The following SHC3 variants were observed in gnomAD, a reference collection of about 807,000 sequenced individuals.
The protein encoded by SHC3 is SHC-transforming protein 3.
SHC3 carries 15 observed loss-of-function variants against 60.4 expected under a neutral mutation model. The ratio of observed to expected loss-of-function variants is 0.25; its 90% CI spans 0.17 to 0.38. The LOEUF is 0.38. Among genes scored for constraint, SHC3 ranks in the 10% least tolerant of loss-of-function variants. The probability of loss-of-function intolerance (pLI) is 1.00; values close to 1 mark genes in which losing one functional copy is unlikely to be tolerated. For missense variants in SHC3, 677 were observed against 786.1 expected (o/e 0.86, Z 1.66); for synonymous variants, 294 against 325.9 (o/e 0.90, Z 1.05).
intron 11 of SHC3, among the ~76,000 whole-genome samples, chr9:89,033,603 A>G (rs1209542946): frequency 6.6e-6 from 1 of 152,226 alleles, no homozygotes; most frequent in Non-Finnish European, 1.5e-5. Flanking sequence ...TTGTTCATCA[A>G]ATGCTTGTTG....
At chr9:89,124,866 T>A (rs560071122) in intron 1 of SHC3, among the ~76,000 whole-genome samples, 31 of 150,322 alleles carry the variant, frequency 2.1e-4, no homozygotes, top group African/African-American at 6.6e-4. Context: ...AAAAAAAAAA[T>A]AAGAAATCTG....
intron 2 of SHC3, among the ~76,000 whole-genome samples, chr9:89,083,756 G>T (rs533990923): frequency 6.6e-6 from 1 of 152,182 alleles, no homozygotes. Flanking sequence ...TCTTGGGGAC[G>T]GCCTCTCTCT....
At chr9:89,051,471 G>A (rs987949545) in intron 7 of SHC3, among the ~76,000 whole-genome samples, 2 of 152,116 alleles carry the variant, frequency 1.3e-5, no homozygotes, top group Middle Eastern at 3.2e-3. Context: ...AACCTAAGGT[G>A]CCATTCTTAT....
intron 7 of SHC3, among the ~76,000 whole-genome samples, chr9:89,047,539 C>T (rs576231706): frequency 2.6e-5 from 4 of 152,116 alleles, no homozygotes; most frequent in Admixed American, 6.5e-5. Flanking sequence ...AGTACTCGTA[C>T]GACTCAACAA....
intron 5 of SHC3, among the ~76,000 whole-genome samples, chr9:89,066,503 C>G (rs970495035): frequency 9.2e-5 from 14 of 152,138 alleles, no homozygotes; most frequent in African/African-American, 3.4e-4. Flanking sequence ...ATGATGACCT[C>G]AAAAGTAGAC....
chr9:89,056,285 C>T (rs1000034630), intron 6 of SHC3, among the ~76,000 whole-genome samples: 5 of 151,994 alleles, frequency 3.3e-5, no homozygotes, highest in East Asian at 3.9e-4. Context: ...TCACTCTTGT[C>T]GCCCAGGCTG....
At position 89,065,589 on chromosome 9, in the gene SHC3, G is replaced by GA. The variant is rs780274354; in HGVS notation, c.784-10dup. On this transcript the variant is annotated splice_polypyrimidine_tract_variant and intron_variant, in intron 5 of 11. Coordinates refer to ENST00000375835, the MANE Select transcript of SHC3 (RefSeq NM_016848.6). ...ACATAGTCAGTTGTGTCCTGTTAAA[G>GA]AAAAAAGAGATGTCTATGTCACTAA... The GA allele has an allele frequency of 6.2e-7, 1 of 1,613,442 alleles. No individual in the cohort carries two copies. Among genetic ancestry groups the GA allele is most frequent in the Non-Finnish European group, 8.5e-7 (1 of 1,179,808 alleles).
chr9:89,064,586 T>G (rs914997041), intron 6 of SHC3, among the ~76,000 whole-genome samples: 1 of 152,164 alleles, frequency 6.6e-6, no homozygotes, highest in Non-Finnish European at 1.5e-5. Context: ...TTGTATTGTC[T>G]GGGCCCCACT....
chr9:89,085,706 G>T (rs2118038555), intron 2 of SHC3, among the ~76,000 whole-genome samples: 1 of 152,202 alleles, frequency 6.6e-6, no homozygotes, highest in East Asian at 1.9e-4. Flanking sequence ...GGCTTTCCTG[G>T]GGCACAAACC....
chr9:89,163,775 A>T (rs1392806691), intron 1 of SHC3, among the ~76,000 whole-genome samples: 3 of 151,990 alleles, frequency 2.0e-5, no homozygotes, highest in Non-Finnish European at 4.4e-5. Flanking sequence ...AATATACCAC[A>T]GACTGGGTGG....
chr9:89,135,579 T>C (rs1826306979), intron 1 of SHC3, among the ~76,000 whole-genome samples: 1 of 152,134 alleles, frequency 6.6e-6, no homozygotes. Flanking sequence ...TTATGATTTG[T>C]CTTGAGTAAA....
chr9:89,105,437 T>A (rs1293460772), intron 2 of SHC3, among the ~76,000 whole-genome samples: 1 of 152,234 alleles, frequency 6.6e-6, no homozygotes, highest in Non-Finnish European at 1.5e-5. Context: ...CCCTCATCGC[T>A]ATCTGAAATT....
chr9:89,062,216 A>G (rs543379652), intron 6 of SHC3, among the ~76,000 whole-genome samples: 1 of 152,354 alleles, frequency 6.6e-6, no homozygotes, highest in African/African-American at 2.4e-5. Flanking sequence ...GAAAGTTCCA[A>G]TGTAAAAAGA....
chr9:89,071,603 G>T (rs11137505), intron 4 of SHC3, among the ~76,000 whole-genome samples: 72,562 of 151,708 alleles, frequency 0.48, 20,213 homozygotes, highest in East Asian at 0.97. Flanking sequence ...ACACGGGGGC[G>T]TATAGAGCAC....
At chr9:89,085,045 A>T (rs980968536) in intron 2 of SHC3, among the ~76,000 whole-genome samples, 11 of 152,238 alleles carry the variant, frequency 7.2e-5, no homozygotes, top group Non-Finnish European at 1.5e-4. Context: ...CACAGGCTTT[A>T]AAGATCTCAG....
intron 1 of SHC3, among the ~76,000 whole-genome samples, chr9:89,135,840 A>G (rs1826311253): frequency 6.6e-6 from 1 of 152,178 alleles, no homozygotes; most frequent in African/African-American, 2.4e-5. Context: ...GCAACCCCAT[A>G]TCAGCTTGGT....
At chr9:89,114,774 A>T (rs918264724) in intron 1 of SHC3, among the ~76,000 whole-genome samples, 1 of 152,104 alleles carries the variant, frequency 6.6e-6, no homozygotes, top group East Asian at 1.9e-4. Flanking sequence ...TTATATAAAT[A>T]CCCCCACCAT....
intron 1 of SHC3, among the ~76,000 whole-genome samples, chr9:89,161,408 T>C (rs1349968307): frequency 6.6e-6 from 1 of 152,204 alleles, no homozygotes; most frequent in East Asian, 1.9e-4. Flanking sequence ...GATCTCAACA[T>C]CATGCTTTCT....
intron 1 of SHC3, among the ~76,000 whole-genome samples, chr9:89,147,906 A>G (rs1341081420): frequency 1.3e-5 from 2 of 152,160 alleles, no homozygotes; most frequent in East Asian, 3.9e-4. Flanking sequence ...CCAGGTGTAT[A>G]TTTTGTCACT....
Sources: allele counts gnomAD v4.1 joint callset (sites outside exome capture counted in the v4.1 genomes callset), GRCh38; gene constraint gnomAD v4.1.1; transcripts MANE v1.5; gene names NCBI Gene and HGNC (gene_info 2026-07-23, HGNC 2026-07-21).